Variants in UGT1A4 observed in about 807,000 individuals in gnomAD.
UGT1A4 encodes UDP-glucuronosyltransferase 1A4.
In UGT1A4, 32 loss-of-function variants were observed where a neutral mutation model predicts 41.1. That is an observed-to-expected ratio of 0.78 (90% CI 0.59 to 1.05). The LOEUF (loss-of-function observed/expected upper bound fraction) is 1.05, where lower values mean the gene tolerates loss of function less well. Ranked by LOEUF, UGT1A4 falls within the 50% of genes least tolerant of loss-of-function variation. UGT1A4 has a pLI of 0.00. For missense variants in UGT1A4, 748 were observed against 677.4 expected, an observed-to-expected ratio of 1.10 and a Z score of -1.16; for synonymous variants, 283 against 265.1, an observed-to-expected ratio of 1.07 and a Z score of -0.66.
chr2:233,759,815 C>T (rs1383098545), intron 1 of UGT1A4, among the ~76,000 whole-genome samples: 3 of 152,074 alleles, frequency 2.0e-5, no homozygotes, highest in Non-Finnish European at 4.4e-5. Flanking sequence ...CAGGCAGTAC[C>T]GGGGGAGCTG....
chr2:233,768,207 T>G lies in UGT1A4; in HGVS notation c.1088-13T>G, dbSNP rs1370777582. ...GATGTAACTGCTGACATCCTCCCTA[T>G]TTTGCATCTCAGGTCACCCGATGAC... is the stretch of plus-strand genomic sequence containing the variant. On this transcript the variant is annotated splice_polypyrimidine_tract_variant and intron_variant, in intron 3 of 4. Transcript: ENST00000373409. 6.2e-7 allele frequency: 1 copy of G among 1,614,218 alleles called. No homozygotes were observed. The highest frequency in any genetic ancestry group is 1.1e-5 in the South Asian group (1 of 91,088).
chr2:233,772,026 TG>T lies in UGT1A4; in HGVS notation c.1308-234del, dbSNP rs35071442. On this transcript the variant is annotated intron_variant, in intron 4 of 4. Transcript: ENST00000373409. Reference sequence around the variant, plus strand: ...TACTCTGGAGGCTGAGGCAGGAGGATGGCTTGAGCCCAGGAGTTGGAGGCTG... The same window carrying T: ...TACTCTGGAGGCTGAGGCAGGAGGATGCTTGAGCCCAGGAGTTGGAGGCTG... 2.7e-3 allele frequency among the ~76,000 whole-genome samples: 414 copies of T among 152,300 alleles called. 2 individuals carry two copies. Among genetic ancestry groups the T allele is most frequent in the African/African-American group, 9.1e-3 (379 of 41,546 alleles).
chr2:233,729,934 A>G (rs45449995), intron 1 of UGT1A4: 47,426 of 1,614,076 alleles, frequency 0.029, 771 homozygotes, highest in African/African-American at 0.049. Context: ...CAGGCCAATC[A>G]TGCCCAACAT....
Position 233,719,094 on chromosome 2 carries a change from G to A in UGT1A4, c.274G>A (p.Val92Ile), listed in dbSNP as rs376370143. 116 of 1,614,204 alleles carry A rather than the reference G, an allele frequency of 7.2e-5. No individual in the cohort carries two copies. Among genetic ancestry groups the A allele is most frequent in the East Asian group, 4.2e-4 (19 of 44,884 alleles). ...ATGGACCCAGAAGGAATTTGATCGCGTTACGCTGGGCTACACTCAAGGGTT... is the reference window on the plus strand; with the variant it reads ...ATGGACCCAGAAGGAATTTGATCGCATTACGCTGGGCTACACTCAAGGGTT... ...VPWTQKEFDR[V>I]TLGYTQGFFE... The change falls in exon 1 of 5, where the codon GTT becomes ATT. Residue 92 changes from valine to isoleucine, a missense_variant. Val to Ile is a conservative substitution (Grantham distance 29). Coordinates refer to ENST00000373409, the MANE Select transcript of UGT1A4 (RefSeq NM_007120.3).
intron 2 of UGT1A4, 25 bp downstream of exon 2, chr2:233,767,190 T>G: frequency 6.2e-7 from 1 of 1,613,838 alleles, no homozygotes; most frequent in Non-Finnish European, 8.5e-7. Flanking sequence ...TACCATGGCC[T>G]CATATCTATT....
Position 233,767,097 on chromosome 2 carries a change from A to G in UGT1A4, c.931A>G (p.Met311Val), listed in dbSNP as rs1699317728. ...HGIVVFSLGS[M>V]VSEIPEKKAM... The stretch of plus-strand genomic sequence containing the variant: ...AATTGTGGTTTTCTCTTTGGGATCA[A>G]TGGTCTCAGAAATTCCAGAGAAGAA... The change falls in exon 2 of 5, where the codon ATG becomes GTG. Residue 311 changes from methionine (M) to valine (V), a missense_variant. Transcript: ENST00000373409. 1 of 1,614,142 alleles carries G rather than the reference A, an allele frequency of 6.2e-7. No individual in the cohort carries two copies. Among genetic ancestry groups the G allele is most frequent in the Non-Finnish European group, 8.5e-7 (1 of 1,180,030 alleles).
chr2:233,720,446 C>A (rs2076860422), intron 1 of UGT1A4, among the ~76,000 whole-genome samples: 1 of 152,024 alleles, frequency 6.6e-6, no homozygotes, highest in African/African-American at 2.4e-5. Context: ...TCTATAAGCC[C>A]AGTGAAGCTG....
chr2:233,724,362 A>G (rs1231465010), intron 1 of UGT1A4, among the ~76,000 whole-genome samples: 2 of 144,194 alleles, frequency 1.4e-5, no homozygotes, highest in Non-Finnish European at 1.5e-5. Flanking sequence ...TCCCTCCCGG[A>G]CGGGGTGGCT....
intron 1 of UGT1A4, among the ~76,000 whole-genome samples, chr2:233,762,802 C>G (rs762572552): frequency 4.6e-5 from 7 of 151,304 alleles, no homozygotes; most frequent in Non-Finnish European, 1.0e-4. Context: ...ACTCAGCTAT[C>G]TCATCAAAAT....
chr2:233,763,534 C>A (rs545430015), intron 1 of UGT1A4, among the ~76,000 whole-genome samples: 1 of 152,066 alleles, frequency 6.6e-6, no homozygotes, highest in Non-Finnish European at 1.5e-5. Flanking sequence ...CTCCTTTTTC[C>A]GGATTTCTAC....
intron 1 of UGT1A4, among the ~76,000 whole-genome samples, chr2:233,727,122 G>A (rs188097836): frequency 6.6e-6 from 1 of 152,290 alleles, no homozygotes; most frequent in Non-Finnish European, 1.5e-5. Context: ...TGTGAGATTG[G>A]CAGAGGGGAA....
At position 233,729,852 on chromosome 2, in the gene UGT1A4, G is replaced by A. The variant is rs774381589; in HGVS notation, c.867+10165G>A. On this transcript the variant is annotated intron_variant, in intron 1 of 4. Transcript: ENST00000373409. ...TTGCCTCTGAGCTTTTTCAGAGAGAGGTGTCAGTGGTGGATATTCTCAGTC... is the reference window on the plus strand; with the variant it reads ...TTGCCTCTGAGCTTTTTCAGAGAGAAGTGTCAGTGGTGGATATTCTCAGTC... The A allele has an allele frequency of 4.3e-6, 7 of 1,613,776 alleles. No homozygotes were observed. In the African/African-American group the frequency reaches 9.3e-5, roughly 22 times the overall value.
Position 233,769,621 on chromosome 2 carries a change from A to G in UGT1A4, c.1307+1182A>G. 2 of 1,612,498 alleles carry G rather than the reference A, an allele frequency of 1.2e-6. No homozygotes were observed. The highest frequency in any genetic ancestry group is 1.7e-5 in the Admixed American group (1 of 59,994). On this transcript the variant is annotated intron_variant, in intron 4 of 4. Transcript: ENST00000373409. The surrounding 1 kb of genome is among the most constrained non-coding windows in gnomAD (Gnocchi z 4.4). Reference sequence around the variant, plus strand: ...ACACGGGGACACACCAGCTTGAGCAAGGGACAACAGGGGAGGACTGATGAC... The same window carrying G: ...ACACGGGGACACACCAGCTTGAGCAGGGGACAACAGGGGAGGACTGATGAC...
chr2:233,743,887 C>G (rs1296707110), intron 1 of UGT1A4: 23 of 1,366,658 alleles, frequency 1.7e-5, no homozygotes, highest in Non-Finnish European at 2.3e-5. Flanking sequence ...CCTGCCGGGG[C>G]ACGTCCAGCA....
chr2:233,741,302 A>G (rs1379292322), intron 1 of UGT1A4, among the ~76,000 whole-genome samples: 1 of 151,744 alleles, frequency 6.6e-6, no homozygotes, highest in Non-Finnish European at 1.5e-5. Context: ...AATTGTGTAG[A>G]TACACACCAA....
intron 1 of UGT1A4, among the ~76,000 whole-genome samples, chr2:233,759,294 C>T (rs1363540933): frequency 6.6e-6 from 1 of 152,134 alleles, no homozygotes; most frequent in Admixed American, 6.5e-5. Flanking sequence ...TGAAGCTGAG[C>T]CCTGAGTGGC....
Position 233,746,417 on chromosome 2 carries a change from CT to C in UGT1A4, c.868-20616del, listed in dbSNP as rs747591279. 3.3e-5 allele frequency among the ~76,000 whole-genome samples: 5 copies of C among 151,706 alleles called. No homozygotes were observed. The South Asian group carries it at 1.0e-3, about 32-fold the overall frequency. ...AGCTGGGAGTGTGTCCAATGGTGAC[CT>C]ATTAACTTATGTCTTCAGCTTAAAA... On this transcript the variant is annotated intron_variant, in intron 1 of 4. Transcript: ENST00000373409.
chr2:233,751,498 G>T (rs1694741950), intron 1 of UGT1A4, among the ~76,000 whole-genome samples: 1 of 152,208 alleles, frequency 6.6e-6, no homozygotes, highest in Non-Finnish European at 1.5e-5. Flanking sequence ...CATGAGATTT[G>T]GGAGGGGCCA....
At chr2:233,734,824 TTGAG>T (rs1349043445) in intron 1 of UGT1A4, among the ~76,000 whole-genome samples, 2 of 152,248 alleles carry the variant, frequency 1.3e-5, no homozygotes, top group African/African-American at 4.8e-5. Flanking sequence ...TTGTGCGATT[TTGAG>T]TGAGTTTCTT....
Sources: gnomAD v4.1 joint callset for allele counts (sites outside exome capture counted in the v4.1 genomes callset) on GRCh38, gnomAD v4.1.1 for gene constraint, Gnocchi (gnomAD v3.1) non-coding constraint, MANE v1.5 for transcripts, NCBI Gene and HGNC (gene_info 2026-07-23, HGNC 2026-07-21) for gene names.